Variants in SP5 observed in about 807,000 individuals in gnomAD.
SP5 encodes the protein Sp5 transcription factor, also known as transcription factor Sp5.
A neutral mutation model predicts 27.4 loss-of-function variants in SP5; 12 were observed. The ratio of observed to expected loss-of-function variants is 0.44; its 90% confidence interval spans 0.28 to 0.71. The LOEUF (loss-of-function observed/expected upper bound fraction) is 0.71. SP5 is among the 30% of genes least tolerant of loss of function. The probability of loss-of-function intolerance (pLI) is 0.15; values close to 1 mark genes in which losing one functional copy is unlikely to be tolerated. For synonymous variants in SP5, 330 were observed against 290.7 expected (o/e 1.14, Z -1.38); for missense variants, 660 against 589.8 (o/e 1.12, Z -1.23).
At chr2:170,715,616 G>C (rs1700045363) in intron 1 of SP5, 53 bp downstream of exon 1, 1 of 1,530,682 alleles carries the variant, frequency 6.5e-7, no homozygotes, top group Non-Finnish European at 8.8e-7. Context: ...GCCGTGTCCG[G>C]ATCTCTCCTG....
At chr2:170,715,833 T>C in intron 1 of SP5, 1 of 985,176 alleles carries the variant, frequency 1.0e-6, no homozygotes. Flanking sequence ...GATTTCAGCC[T>C]GGGGCGGGCC....
Position 170,716,891 on chromosome 2 carries a change from T to TGCTGCTGCGGCCGCC in SP5, c.687_701dup (p.Ala231_Ala235dup). The TGCTGCTGCGGCCGCC allele has an allele frequency of 1.3e-6, 2 of 1,522,700 alleles. No homozygotes were observed. 94.3% of individuals were successfully genotyped at this position (1,522,700 alleles called of 1,614,324 possible). On this transcript the variant is annotated inframe_insertion, in exon 2 of 2. Transcript: ENST00000375281. The stretch of plus-strand genomic sequence containing the variant: ...CCCGCTTCCCCGCCTCTGCGGCCGC[T>TGCTGCTGCGGCCGCC]GCTGCTGCGGCCGCCGCCGCCCTAC...
chr2:170,717,998 A>C lies in SP5; in HGVS notation c.*594A>C, dbSNP rs1197687693. The C allele has an allele frequency of 1.3e-5, 2 of 152,392 alleles. No homozygotes were observed. The highest frequency in any genetic ancestry group is 2.4e-5 in the African/African-American group (1 of 41,412). The allele number at this position is 152,392 out of a possible 1,614,324, so 9.4% of individuals were successfully genotyped here. A position where few individuals can be genotyped will look rare whatever the true frequency, so the allele number is the denominator to read the frequency against. ...AGGAAGACCCCGTTGAGCCGGTCTCATTTGATCTTTTCTTCTTCTGGGTGG... is the reference window on the plus strand; with the variant it reads ...AGGAAGACCCCGTTGAGCCGGTCTCCTTTGATCTTTTCTTCTTCTGGGTGG... On this transcript the variant is annotated 3_prime_UTR_variant, in exon 2 of 2. Transcript: ENST00000375281.
At position 170,716,706 on chromosome 2, in the gene SP5, C is replaced by T; in HGVS notation, c.499C>T (p.Pro167Ser). 2 of 1,502,656 alleles carry T rather than the reference C, an allele frequency of 1.3e-6. No homozygotes were observed. Among genetic ancestry groups the T allele is most frequent in the South Asian group, 1.3e-5 (1 of 79,918 alleles). The allele number at this position is 1,502,656 out of a possible 1,614,324, so 93.1% of individuals were successfully genotyped here. Residue 167 changes from proline to serine, a missense_variant, in exon 2 of 2, where the codon CCG (proline) becomes TCG (serine). Pro to Ser is a moderately conservative substitution (Grantham distance 74). Transcript: ENST00000375281. ...CTACTCCAACCTGCTGCCTCCGCCGCCGCCACCGCCCCCGCCGCCCACCTG... is the reference window on the plus strand; with the variant it reads ...CTACTCCAACCTGCTGCCTCCGCCGTCGCCACCGCCCCCGCCGCCCACCTG... ...PGYSNLLPPPPPPPPPPTCRQ... is the reference protein window; with the variant it reads ...PGYSNLLPPPSPPPPPPTCRQ...
Position 170,717,473 on chromosome 2 carries a change from G to T in SP5, c.*69G>T. 6.4e-7 allele frequency: 1 copy of T among 1,568,150 alleles called. No homozygotes were observed. Among genetic ancestry groups the T allele is most frequent in the Admixed American group, 1.9e-5 (1 of 53,996 alleles). On this transcript the variant is annotated 3_prime_UTR_variant, in exon 2 of 2. Transcript: ENST00000375281. ...ATCCGGGGACCTGTGGGCAGCTGGC[G>T]GAGGGGAGACTCAGCAGACGGACCC...
Position 170,716,354 on chromosome 2 carries a change from G to A in SP5, c.147G>A (p.Ala49=). Residue 49 remains alanine, a synonymous_variant, in exon 2 of 2, where the codon GCG becomes GCA. Coordinates refer to ENST00000375281, the MANE Select transcript of SP5 (RefSeq NM_001003845.3). ...TCSRIGQPGA[A]APPDFLQVPY... ...GCCGCATCGGCCAGCCGGGCGCGGC[G>A]GCGCCCCCGGACTTCCTGCAGGTGC... 6.3e-7 allele frequency: 1 copy of A among 1,595,948 alleles called. No individual in the cohort carries two copies. The highest frequency in any genetic ancestry group is 8.5e-7 in the Non-Finnish European group (1 of 1,178,602).
At position 170,716,935 on chromosome 2, in the gene SP5, G is replaced by A; in HGVS notation, c.728G>A (p.Gly243Asp). 1 of 1,547,156 alleles carries A rather than the reference G, an allele frequency of 6.5e-7. No homozygotes were observed. The highest frequency in any genetic ancestry group is 1.2e-5 in the South Asian group (1 of 83,952). ...AAALQRGLVL[G>D]PSDFAQYQSQ... ...GCCCTACAAAGAGGCCTGGTGTTGG[G>A]CCCGTCGGACTTTGCGCAGTACCAG... The change falls in exon 2 of 2, where the codon GGC becomes GAC. Residue 243 changes from glycine to aspartate, a missense_variant. Transcript: ENST00000375281.
chr2:170,716,896 C>T lies in SP5; in HGVS notation c.689C>T (p.Ala230Val), dbSNP rs1340475908. ...TTCCCCGCCTCTGCGGCCGCTGCTG[C>T]TGCGGCCGCCGCCGCCCTACAAAGA... ...PRFPASAAAA[A>V]AAAAALQRGL... The change falls in exon 2 of 2, where the codon GCT (alanine) becomes GTT (valine). Residue 230 changes from alanine to valine, a missense_variant. Ala to Val is a moderately conservative substitution (Grantham distance 64). Transcript: ENST00000375281. 14 of 1,525,858 alleles carry T rather than the reference C, an allele frequency of 9.2e-6. 1 individual carries two copies. The Middle Eastern group carries it at 7.0e-4, about 76-fold the overall frequency. 94.5% of individuals were successfully genotyped at this position (1,525,858 alleles called of 1,614,324 possible). A position where few individuals can be genotyped will look rare whatever the true frequency, so the allele number is the denominator to read the frequency against.
chr2:170,716,522 C>T lies in SP5; in HGVS notation c.315C>T (p.Phe105=). 1.9e-6 allele frequency: 3 copies of T among 1,611,172 alleles called. No individual in the cohort carries two copies. The highest frequency in any genetic ancestry group is 2.5e-6 in the Non-Finnish European group (3 of 1,179,390). Reference sequence around the variant, plus strand: ...AGAAGACGCACCTGCAGCCGTCCTTCGGGGCTGCGCACGAGCTTCCCCTTA... The same window carrying T: ...AGAAGACGCACCTGCAGCCGTCCTTTGGGGCTGCGCACGAGCTTCCCCTTA... The part of the protein sequence containing the change: ...TPQKTHLQPS[F]GAAHELPLTP... The change falls in exon 2 of 2, where the codon TTC becomes TTT. Residue 105 remains phenylalanine, a synonymous_variant. Transcript: ENST00000375281.
Position 170,716,855 on chromosome 2 carries a change from C to A in SP5, c.648C>A (p.Ala216=), listed in dbSNP as rs1243318647. ...GSGLSGACAG[A]PHAPRFPASA... ...GCCTCTCCGGCGCCTGTGCCGGGGC[C>A]CCCCACGCGCCCCGCTTCCCCGCCT... Residue 216 remains alanine (A), a synonymous_variant, in exon 2 of 2, where the codon GCC becomes GCA. Coordinates refer to ENST00000375281, the MANE Select transcript of SP5 (RefSeq NM_001003845.3). 18 of 1,449,288 alleles carry A rather than the reference C, an allele frequency of 1.2e-5. No homozygotes were observed. Among genetic ancestry groups the A allele is most frequent in the East Asian group, 2.9e-5 (1 of 33,960 alleles). 89.8% of individuals were successfully genotyped at this position (1,449,288 alleles called of 1,614,324 possible).
intron 1 of SP5, 108 bp from the exon 2 acceptor site, chr2:170,716,151 G>A (rs1306183328): frequency 3.5e-6 from 5 of 1,421,950 alleles, no homozygotes; most frequent in Non-Finnish European, 4.6e-6. Context: ...CCGGGACGGA[G>A]GAGGGGCGGC....
In SP5 at chr2:170,716,485, G is replaced by A; in HGVS notation, c.278G>A (p.Gly93Glu). 1 of 1,609,578 alleles carries A rather than the reference G, an allele frequency of 6.2e-7. No individual in the cohort carries two copies. Among genetic ancestry groups the A allele is most frequent in the Non-Finnish European group, 8.5e-7 (1 of 1,179,284 alleles). Residue 93 changes from glycine to glutamate, a missense_variant, in exon 2 of 2, where the codon GGG becomes GAG. By Grantham distance (98) the Gly-to-Glu change is moderately conservative. Coordinates refer to ENST00000375281, the MANE Select transcript of SP5 (RefSeq NM_001003845.3). Reference protein sequence around the residue: ...GALPPPHPSLGLTPQKTHLQP... With the variant: ...GALPPPHPSLELTPQKTHLQP... Reference sequence around the variant, plus strand: ...CTGCCGCCCCCGCATCCCAGCTTGGGGCTGACGCCGCAGAAGACGCACCTG... The same window carrying A: ...CTGCCGCCCCCGCATCCCAGCTTGGAGCTGACGCCGCAGAAGACGCACCTG...
chr2:170,717,320 C>A lies in SP5; in HGVS notation c.1113C>A (p.Leu371=), dbSNP rs774017092. The change falls in exon 2 of 2, where the codon CTC becomes CTA. Residue 371 remains leucine, a synonymous_variant. Coordinates refer to ENST00000375281, the MANE Select transcript of SP5 (RefSeq NM_001003845.3). ...AGCGCTTCATGCGCAGCGACCACCTCGCGAAGCACGTCAAGACTCACCAGA... is the reference window on the plus strand; with the variant it reads ...AGCGCTTCATGCGCAGCGACCACCTAGCGAAGCACGTCAAGACTCACCAGA... ...CGKRFMRSDH[L]AKHVKTHQNK... The A allele has an allele frequency of 6.8e-6, 11 of 1,610,140 alleles. No individual in the cohort carries two copies. In the Admixed American group the frequency reaches 8.3e-5, roughly 12 times the overall value.
chr2:170,716,588 G>A lies in SP5; in HGVS notation c.381G>A (p.Pro127=), dbSNP rs780516095. 1.2e-6 allele frequency: 2 copies of A among 1,610,130 alleles called. No individual in the cohort carries two copies. The highest frequency in any genetic ancestry group is 1.1e-5 in the South Asian group (1 of 90,878). The change falls in exon 2 of 2, where the codon CCG becomes CCA. Residue 127 remains proline (P), a synonymous_variant. Coordinates refer to ENST00000375281, the MANE Select transcript of SP5 (RefSeq NM_001003845.3). The part of the protein sequence containing the change: ...ADPSYPYEFS[P]VKMLPSSMAA... ...CCTCGTACCCCTACGAGTTCTCGCC[G>A]GTCAAGATGCTGCCCTCGAGCATGG...
chr2:170,716,438 G>A lies in SP5; in HGVS notation c.231G>A (p.Met77Ile). 6.2e-7 allele frequency: 1 copy of A among 1,602,664 alleles called. No individual in the cohort carries two copies. The highest frequency in any genetic ancestry group is 8.5e-7 in the Non-Finnish European group (1 of 1,178,896). The change falls in exon 2 of 2, where the codon ATG becomes ATA. Residue 77 changes from methionine (M) to isoleucine (I), a missense_variant. Transcript: ENST00000375281. ...TCTTCCACCCGTGGACCGCCGACAT[G>A]CCGGCGCACTCGCCAGGCGCACTGC... ...SRLFHPWTAD[M>I]PAHSPGALPP...
intron 1 of SP5, 154 bp from the exon 2 acceptor site, chr2:170,716,105 G>A: frequency 2.8e-6 from 4 of 1,406,258 alleles, no homozygotes; most frequent in Non-Finnish European, 3.7e-6. Context: ...CGGCCGGTGG[G>A]TGCGTGCGTG....
Position 170,717,076 on chromosome 2 carries a change from C to T in SP5, c.869C>T (p.Pro290Leu). 6.4e-7 allele frequency: 1 copy of T among 1,561,112 alleles called. No homozygotes were observed. Among genetic ancestry groups the T allele is most frequent in the South Asian group, 1.2e-5 (1 of 85,592 alleles). The part of the protein sequence containing the change: ...QAAGGAPEAE[P>L]GKKKQHVCHV... ...GCGGGCGGCGCCCCCGAGGCGGAGC[C>T]GGGGAAGAAGAAGCAGCACGTGTGC... The change falls in exon 2 of 2, where the codon CCG becomes CTG. Residue 290 changes from proline to leucine, a missense_variant. Transcript: ENST00000375281.
In SP5 at chr2:170,717,038, C is replaced by G. The variant is rs2105589248; in HGVS notation, c.831C>G (p.Pro277=). 6.5e-7 allele frequency: 1 copy of G among 1,548,520 alleles called. No individual in the cohort carries two copies. Among genetic ancestry groups the G allele is most frequent in the Middle Eastern group, 2.2e-4 (1 of 4,522 alleles). The change falls in exon 2 of 2, where the codon CCC becomes CCG. Residue 277 remains proline, a synonymous_variant. Coordinates refer to ENST00000375281, the MANE Select transcript of SP5 (RefSeq NM_001003845.3). ...GGAGGTGCCGCCGCTGCCGCTGTCC[C>G]AACTGCCAGGCGGCGGGCGGCGCCC... is the stretch of plus-strand genomic sequence containing the variant. The part of the protein sequence containing the change: ...TARRCRRCRC[P]NCQAAGGAPE...
In SP5 at chr2:170,717,018, T is replaced by TGCCGCC; in HGVS notation, c.814_819dup (p.Arg272_Arg273dup). The TGCCGCC allele has an allele frequency of 6.5e-7, 1 of 1,546,894 alleles. No individual in the cohort carries two copies. The highest frequency in any genetic ancestry group is 8.7e-7 in the Non-Finnish European group (1 of 1,146,010). ...CCCCCTGGCGGCCACGGCCAGGAGG[T>TGCCGCC]GCCGCCGCTGCCGCTGTCCCAACTG... On this transcript the variant is annotated inframe_insertion, in exon 2 of 2. Transcript: ENST00000375281.
Sources: allele counts gnomAD v4.1 joint callset, GRCh38; gene constraint gnomAD v4.1.1; transcripts MANE v1.5; gene names NCBI Gene and HGNC (gene_info 2026-07-23, HGNC 2026-07-21).